Variants in KAT7 observed in about 807,000 individuals in gnomAD.
KAT7 encodes lysine acetyltransferase 7, also known as histone acetyltransferase KAT7.
KAT7 carries 10 observed loss-of-function variants against 82.1 expected under a neutral mutation model. That is an observed-to-expected ratio of 0.12 (90% CI 0.08 to 0.21). KAT7 has a LOEUF of 0.21. Ranked by LOEUF, KAT7 falls within the 10% of genes least tolerant of loss-of-function variation. The pLI is 1.00. For synonymous variants in KAT7, 250 were observed against 262.5 expected, an observed-to-expected ratio of 0.95 and a Z score of 0.46; for missense variants, 378 against 760.9, an observed-to-expected ratio of 0.50 and a Z score of 5.92.
chr17:49,794,009 T>C (rs1236497388), intron 2 of KAT7, among the ~76,000 whole-genome samples: 1 of 152,238 alleles, frequency 6.6e-6, no homozygotes, highest in East Asian at 1.9e-4. Context: ...AAAGTATTGC[T>C]ATTGTCTCTT....
At chr17:49,792,070 A>G in intron 2 of KAT7, 37 bp downstream of exon 2, 1 of 1,598,700 alleles carries the variant, frequency 6.3e-7, no homozygotes, top group Non-Finnish European at 8.6e-7. Flanking sequence ...CACTCCTCAC[A>G]TCTGGCTGAC....
Position 49,821,635 on chromosome 17 carries a change from T to C in KAT7, c.1246-15T>C. The C allele has an allele frequency of 1.2e-6, 2 of 1,612,620 alleles. No homozygotes were observed. Among genetic ancestry groups the C allele is most frequent in the South Asian group, 2.2e-5 (2 of 91,012 alleles). ...ATCAGTGGCCCACACATGAACTCTGTTTCTCTGCTTCCAGATCTACTGCCA... is the reference window on the plus strand; with the variant it reads ...ATCAGTGGCCCACACATGAACTCTGCTTCTCTGCTTCCAGATCTACTGCCA... On this transcript the variant is annotated splice_polypyrimidine_tract_variant and intron_variant, in intron 10 of 14. Transcript: ENST00000259021.
At chr17:49,827,349 A>G in intron 14 of KAT7, 52 bp from the exon 15 acceptor site, 1 of 1,090,994 alleles carries the variant, frequency 9.2e-7, no homozygotes, top group Non-Finnish European at 1.4e-6. Flanking sequence ...AATCTATGTA[A>G]AGGCACTTGA....
chr17:49,829,561 C>CT lies in KAT7; in HGVS notation c.*2064dup, dbSNP rs900742791. On this transcript the variant is annotated 3_prime_UTR_variant, in exon 15 of 15. Transcript: ENST00000259021. ...GACTCTCTCGCAGGTTGAAATTATTCTTTTTGAAAATAGCTGCATTTTCAT... is the reference window on the plus strand; with the variant it reads ...GACTCTCTCGCAGGTTGAAATTATTCTTTTTTGAAAATAGCTGCATTTTCAT... The CT allele has an allele frequency of 5.9e-5, 9 of 152,118 alleles. No individual in the cohort carries two copies. The highest frequency in any genetic ancestry group is 2.2e-4 in the African/African-American group (9 of 41,428). The allele number at this position is 152,118 out of a possible 1,614,324, so 9.4% of individuals were successfully genotyped here.
At chr17:49,824,126 T>C (rs1279080226) in intron 12 of KAT7, among the ~76,000 whole-genome samples, 1 of 152,222 alleles carries the variant, frequency 6.6e-6, no homozygotes, top group African/African-American at 2.4e-5. Context: ...GTATTGATGG[T>C]TGACCAATAT....
chr17:49,790,591 G>T (rs1008348738), intron 1 of KAT7, among the ~76,000 whole-genome samples: 1 of 152,148 alleles, frequency 6.6e-6, no homozygotes, highest in African/African-American at 2.4e-5. Flanking sequence ...CAAATACCGG[G>T]AGTTACTTGA....
Position 49,821,804 on chromosome 17 carries a change from GGA to G in KAT7, c.1386+17_1386+18del. Reference sequence around the variant, plus strand: ...TATTTTTCTAAGGTAAGCAGGATCTGGAGATTAAGAAGCCAATGGCCAGAGCA... The same window carrying G: ...TATTTTTCTAAGGTAAGCAGGATCTGGATTAAGAAGCCAATGGCCAGAGCA... On this transcript the variant is annotated intron_variant, in intron 11 of 14. Coordinates refer to ENST00000259021, the MANE Select transcript of KAT7 (RefSeq NM_007067.5). 6.2e-7 allele frequency: 1 copy of G among 1,613,450 alleles called. No individual in the cohort carries two copies. Among genetic ancestry groups the G allele is most frequent in the Admixed American group, 1.7e-5 (1 of 59,998 alleles).
intron 6 of KAT7, among the ~76,000 whole-genome samples, chr17:49,809,814 C>T (rs16948388): frequency 0.051 from 7,707 of 152,220 alleles, 377 homozygotes; most frequent in East Asian, 0.27. Flanking sequence ...TTTCAAGGCC[C>T]GTGCAGTTCT....
At chr17:49,807,003 A>C (rs112524758) in intron 5 of KAT7, among the ~76,000 whole-genome samples, 1 of 152,222 alleles carries the variant, frequency 6.6e-6, no homozygotes, top group African/African-American at 2.4e-5. Flanking sequence ...GTGTTTTTGA[A>C]GAACCTGCAT....
intron 2 of KAT7, among the ~76,000 whole-genome samples, chr17:49,796,527 A>C (rs1049467627): frequency 1.3e-5 from 2 of 152,194 alleles, no homozygotes; most frequent in South Asian, 2.1e-4. Flanking sequence ...GTTCAGTCCT[A>C]ATTCCAGAAC....
At chr17:49,813,998 TCTC>T (rs1218551540) in intron 7 of KAT7, among the ~76,000 whole-genome samples, 5 of 151,880 alleles carry the variant, frequency 3.3e-5, no homozygotes, top group African/African-American at 1.2e-4. Flanking sequence ...TTCAAGCAAT[TCTC>T]CTGCCTCAGC....
chr17:49,801,574 C>T (rs1483953487), intron 4 of KAT7, among the ~76,000 whole-genome samples: 1 of 152,146 alleles, frequency 6.6e-6, no homozygotes, highest in Non-Finnish European at 1.5e-5. Flanking sequence ...ACTGCAACCT[C>T]CACCTCCCAG....
chr17:49,816,698 C>T (rs1243428453), intron 8 of KAT7, among the ~76,000 whole-genome samples: 1 of 152,174 alleles, frequency 6.6e-6, no homozygotes, highest in Non-Finnish European at 1.5e-5. Context: ...TTTTCTCTAT[C>T]CTATTCTGGC....
At chr17:49,798,918 A>G (rs1034746362) in intron 4 of KAT7, among the ~76,000 whole-genome samples, 2 of 152,224 alleles carry the variant, frequency 1.3e-5, no homozygotes, top group Non-Finnish European at 2.9e-5. Flanking sequence ...AAGGTAGTGC[A>G]GAATAGTGGT....
chr17:49,812,381 C>T (rs1239704297), intron 7 of KAT7, among the ~76,000 whole-genome samples: 5 of 151,790 alleles, frequency 3.3e-5, no homozygotes, highest in Admixed American at 6.6e-5. Flanking sequence ...TGTGCCACCA[C>T]GCCCAGCTAA....
chr17:49,789,513 A>G (rs572345473), intron 1 of KAT7: 4 of 152,190 alleles, frequency 2.6e-5, no homozygotes, highest in Admixed American at 6.5e-5. Context: ...AAAACTAAAA[A>G]CTTCTAGAAT....
In KAT7 at chr17:49,791,902, G is replaced by T. The variant is rs1485459805; in HGVS notation, c.32G>T (p.Ser11Ile). The T allele has an allele frequency of 1.2e-6, 2 of 1,614,074 alleles. No individual in the cohort carries two copies. Among genetic ancestry groups the T allele is most frequent in the Admixed American group, 1.7e-5 (1 of 60,008 alleles). Reference protein sequence around the residue: MPRRKRNAGSSSDGTEDSDFS... With the variant: MPRRKRNAGSISDGTEDSDFS... Reference sequence around the variant, plus strand: ...GTATTACAGAGGAATGCAGGCAGTAGTTCAGATGGAACCGAAGATTCCGAT... The same window carrying T: ...GTATTACAGAGGAATGCAGGCAGTATTTCAGATGGAACCGAAGATTCCGAT... Residue 11 changes from serine to isoleucine, a missense_variant, in exon 2 of 15, where the codon AGT becomes ATT. Coordinates refer to ENST00000259021, the MANE Select transcript of KAT7 (RefSeq NM_007067.5).
intron 7 of KAT7, chr17:49,815,602 G>GA (rs1397819188): frequency 4.6e-6 from 2 of 435,166 alleles, no homozygotes; most frequent in Non-Finnish European, 8.1e-6. Flanking sequence ...TTCCTCTCCA[G>GA]AATCACTGGG....
rs1487875269 is a variant in KAT7 at position 49,829,004 on chromosome 17, T to A, written c.*1502T>A. 6.5e-6 allele frequency: 1 copy of A among 152,698 alleles called. No homozygotes were observed. The highest frequency in any genetic ancestry group is 1.5e-5 in the Non-Finnish European group (1 of 68,054). 9.5% of individuals were successfully genotyped at this position (152,698 alleles called of 1,614,324 possible). A position where few individuals can be genotyped will look rare whatever the true frequency, so the allele number is the denominator to read the frequency against. On this transcript the variant is annotated 3_prime_UTR_variant, in exon 15 of 15. Transcript: ENST00000259021. ...CTTCACTAGGGGTTTTCTTAAGGGATAAAGGCCTTTTACAGAAGCTAAACC... is the reference window on the plus strand; with the variant it reads ...CTTCACTAGGGGTTTTCTTAAGGGAAAAAGGCCTTTTACAGAAGCTAAACC...
Sources: allele counts gnomAD v4.1 joint callset (sites outside exome capture counted in the v4.1 genomes callset), GRCh38; gene constraint gnomAD v4.1.1; transcripts MANE v1.5; gene names NCBI Gene and HGNC (gene_info 2026-07-23, HGNC 2026-07-21).